The following SLC5A1 variants were observed in gnomAD, a reference collection of about 807,000 sequenced individuals.
The protein encoded by SLC5A1 is sodium/glucose cotransporter 1.
A neutral mutation model predicts 73.5 loss-of-function variants in SLC5A1; 42 were observed. The observed-to-expected ratio is 0.57, with a 90% confidence interval of 0.45 to 0.74. SLC5A1 has a LOEUF of 0.74. SLC5A1 is among the 30% of genes least tolerant of loss of function. The pLI, the probability that SLC5A1 is intolerant of heterozygous loss-of-function variation, is 0.00. For missense variants in SLC5A1, 634 were observed against 855.4 expected, an observed-to-expected ratio of 0.74 and a Z score of 3.23; for synonymous variants, 300 against 317.4, an observed-to-expected ratio of 0.95 and a Z score of 0.58.
chr22:32,082,769 T>G (rs1603127601), intron 6 of SLC5A1, among the ~76,000 whole-genome samples: 1 of 152,200 alleles, frequency 6.6e-6, no homozygotes, highest in African/African-American at 2.4e-5. Context: ...GGAAGACGCT[T>G]CTTCTTACCA....
rs946567588 is a variant in SLC5A1 at position 32,111,320 on chromosome 22, C to A, written c.*1107C>A. The A allele has an allele frequency of 1.3e-5, 2 of 152,160 alleles. No homozygotes were observed. Among genetic ancestry groups the A allele is most frequent in the African/African-American group, 2.4e-5 (1 of 41,448 alleles). The allele number at this position is 152,160 out of a possible 1,614,324, so 9.4% of individuals were successfully genotyped here. A position where few individuals can be genotyped will look rare whatever the true frequency, so the allele number is the denominator to read the frequency against. On this transcript the variant is annotated 3_prime_UTR_variant, in exon 15 of 15. Transcript: ENST00000266088. ...ATCTCACTCTGTCTTCCGTGGCCTT[C>A]CTTTTGTCTGTGTCCTAAATCTACT... is the stretch of plus-strand genomic sequence containing the variant.
rs117400905 is a variant in SLC5A1 at position 32,065,532 on chromosome 22, C to T, written c.208-1403C>T. Among the ~76,000 whole-genome samples, 99 of 152,282 alleles carry T rather than the reference C, an allele frequency of 6.5e-4. No homozygotes were observed. The East Asian group carries it at 0.017, about 26-fold the overall frequency. ...TCTATTCTCTTCATAGCACTTACCA[C>T]TCTCGGATCATTGTTTTTGTTGTTT... On this transcript the variant is annotated intron_variant, in intron 2 of 14. Coordinates refer to ENST00000266088, the MANE Select transcript of SLC5A1 (RefSeq NM_000343.4).
At chr22:32,059,031 A>T in intron 2 of SLC5A1, 1 of 832,902 alleles carries the variant, frequency 1.2e-6, no homozygotes, top group Non-Finnish European at 1.4e-6. Context: ...TCACTTACTC[A>T]CTCAGCAGAT....
chr22:32,060,040 C>T (rs982262800), intron 2 of SLC5A1, among the ~76,000 whole-genome samples: 1 of 147,838 alleles, frequency 6.8e-6, no homozygotes, highest in African/African-American at 2.5e-5. Context: ...CACACACACA[C>T]ACACACACAC....
chr22:32,105,095 A>G (rs2149498399), intron 14 of SLC5A1, among the ~76,000 whole-genome samples: 1 of 152,284 alleles, frequency 6.6e-6, no homozygotes, highest in East Asian at 1.9e-4. Flanking sequence ...GTACAGAATC[A>G]TTCAAGCTCC....
intron 2 of SLC5A1, among the ~76,000 whole-genome samples, chr22:32,064,743 G>C (rs1181667789): frequency 6.6e-6 from 1 of 152,120 alleles, no homozygotes; most frequent in African/African-American, 2.4e-5. Context: ...GCTTGCCTTT[G>C]TCTCAACTGC....
chr22:32,102,359 T>C, intron 13 of SLC5A1, 122 bp downstream of exon 13: 1 of 762,264 alleles, frequency 1.3e-6, no homozygotes, highest in East Asian at 2.7e-5. Flanking sequence ...GGGGTACATG[T>C]AATGTTTTGA....
chr22:32,068,394 C>A (rs2093977577), intron 4 of SLC5A1, 102 bp from the exon 5 acceptor site: 5 of 847,474 alleles, frequency 5.9e-6, no homozygotes, highest in Non-Finnish European at 1.0e-5. Context: ...AATCCTTGAC[C>A]ACACTTCTGT....
intron 5 of SLC5A1, among the ~76,000 whole-genome samples, chr22:32,080,226 T>C (rs1368306609): frequency 1.3e-5 from 2 of 152,134 alleles, no homozygotes; most frequent in Non-Finnish European, 2.9e-5. Context: ...CCAGGGAAGA[T>C]GGTGACATTG....
chr22:32,043,512 G>A lies in SLC5A1; in HGVS notation c.135+96G>A, dbSNP rs192514704. 32 of 1,348,082 alleles carry A rather than the reference G, an allele frequency of 2.4e-5. No individual in the cohort carries two copies. In the East Asian group the frequency reaches 5.3e-4, roughly 22 times the overall value. The allele number at this position is 1,348,082 out of a possible 1,614,324, so 83.5% of individuals were successfully genotyped here. On this transcript the variant is annotated intron_variant, in intron 1 of 14. Transcript: ENST00000266088. This position sits in a 1 kb window ranked among gnomAD's most constrained non-coding sequence, Gnocchi z 6.5. Reference sequence around the variant, plus strand: ...GCAAGGGGCAGTAGGCTTAAGTGTCGGTGGAGGGGAGAGGAAATGACTTGG... The same window carrying A: ...GCAAGGGGCAGTAGGCTTAAGTGTCAGTGGAGGGGAGAGGAAATGACTTGG...
intron 10 of SLC5A1, 58 bp downstream of exon 10, chr22:32,086,385 G>T: frequency 9.0e-7 from 1 of 1,116,690 alleles, no homozygotes; most frequent in Admixed American, 1.7e-5. Flanking sequence ...ATTGGGTTTA[G>T]GCACCACCTA....
intron 5 of SLC5A1, among the ~76,000 whole-genome samples, chr22:32,074,504 T>C (rs1160425034): frequency 2.6e-5 from 4 of 151,946 alleles, no homozygotes; most frequent in African/African-American, 9.7e-5. Context: ...TCACGTTCCC[T>C]TTCTCTTCTT....
intron 3 of SLC5A1, 129 bp from the exon 4 acceptor site, chr22:32,067,838 C>T (rs878971873): frequency 2.2e-6 from 2 of 928,690 alleles, no homozygotes; most frequent in South Asian, 2.6e-5. Flanking sequence ...AGGCCTCCTG[C>T]AGTCTCTAAC....
intron 1 of SLC5A1, among the ~76,000 whole-genome samples, chr22:32,044,593 T>C (rs1025571744): frequency 2.0e-5 from 3 of 152,008 alleles, no homozygotes; most frequent in Admixed American, 6.6e-5. Context: ...GGGGTCAGTA[T>C]GGCTGACTTT....
At chr22:32,102,495 T>C (rs1418659020) in intron 13 of SLC5A1, among the ~76,000 whole-genome samples, 1 of 152,148 alleles carries the variant, frequency 6.6e-6, no homozygotes, top group South Asian at 2.1e-4. Context: ...ATACAGATTA[T>C]GGTGGCTCAT....
At chr22:32,103,250 TA>T (rs1485599721) in intron 13 of SLC5A1, among the ~76,000 whole-genome samples, 1 of 152,236 alleles carries the variant, frequency 6.6e-6, no homozygotes, top group African/African-American at 2.4e-5. Context: ...GCCTTTTTGA[TA>T]AAAGCCATTT....
At chr22:32,055,252 G>A (rs555696891) in intron 2 of SLC5A1, among the ~76,000 whole-genome samples, 57 of 152,294 alleles carry the variant, frequency 3.7e-4, no homozygotes, top group Admixed American at 1.4e-3. Flanking sequence ...GGAGTTGGCC[G>A]AGTAAATAGA....
intron 2 of SLC5A1, among the ~76,000 whole-genome samples, chr22:32,057,909 G>A (rs1382011770): frequency 3.9e-5 from 6 of 152,036 alleles, no homozygotes; most frequent in Non-Finnish European, 8.8e-5. Context: ...TCAGTCCTCA[G>A]GCTCTGCTAG....
chr22:32,084,947 G>A lies in SLC5A1; in HGVS notation c.933G>A (p.Lys311=). ...CAGCCAAGAATATGTCTCACGTGAA[G>A]GGTGGCTGCATCCTGTGTGGGTATC... The part of the protein sequence containing the change: ...CLSAKNMSHV[K]GGCILCGYLK... The change falls in exon 9 of 15, where the codon AAG becomes AAA. Residue 311 remains lysine (K), a synonymous_variant. Coordinates refer to ENST00000266088, the MANE Select transcript of SLC5A1 (RefSeq NM_000343.4). 1 of 1,614,210 alleles carries A rather than the reference G, an allele frequency of 6.2e-7. No homozygotes were observed. Among genetic ancestry groups the A allele is most frequent in the Non-Finnish European group, 8.5e-7 (1 of 1,180,036 alleles).
Sources: allele counts gnomAD v4.1 joint callset (sites outside exome capture counted in the v4.1 genomes callset), GRCh38; gene constraint gnomAD v4.1.1; non-coding constraint Gnocchi (gnomAD v3.1); transcripts MANE v1.5; gene names NCBI Gene and HGNC (gene_info 2026-07-23, HGNC 2026-07-21).